ADGRL2: variants seen among roughly 807,000 people sequenced by gnomAD.
The protein encoded by ADGRL2 is calcium-independent alpha-latrotoxin receptor 2.
In ADGRL2, 44 loss-of-function variants were observed where a neutral mutation model predicts 157.4. That is an observed-to-expected ratio of 0.28 (90% CI 0.22 to 0.36). ADGRL2 has a LOEUF of 0.36. ADGRL2 is among the 10% of genes least tolerant of loss of function. The pLI is 1.00. For missense variants in ADGRL2, 1,510 were observed against 1,768.9 expected (o/e 0.85, Z 2.63); for synonymous variants, 585 against 624.7 (o/e 0.94, Z 0.95).
At position 81,823,460 on chromosome 1, in the gene ADGRL2, C is replaced by T. The variant is rs1240195990; in HGVS notation, c.-100-13425C>T. ...CTCTCCCTCCTATGTTTCTTATTGTCAAAAACATTTATTATGTGCTAGCTC... is the reference window on the plus strand; with the variant it reads ...CTCTCCCTCCTATGTTTCTTATTGTTAAAAACATTTATTATGTGCTAGCTC... On this transcript the variant is annotated intron_variant, in intron 1 of 23. Coordinates refer to ENST00000686636, the MANE Select transcript of ADGRL2 (RefSeq NM_001366006.2). Among the ~76,000 whole-genome samples, 3 of 147,696 alleles carry T rather than the reference C, an allele frequency of 2.0e-5. No individual in the cohort carries two copies. In the East Asian group the frequency reaches 6.2e-4, roughly 30 times the overall value.
At chr1:81,776,708 A>T (rs1392781581) in intron 2 of ADGRL2, among the ~76,000 whole-genome samples, 1 of 152,176 alleles carries the variant, frequency 6.6e-6, no homozygotes, top group Non-Finnish European at 1.5e-5. Context: ...TACATACACA[A>T]TACAACTTAG....
intron 3 of ADGRL2, among the ~76,000 whole-genome samples, chr1:81,655,129 G>C (rs1017161689): frequency 1.3e-5 from 2 of 152,128 alleles, no homozygotes; most frequent in Admixed American, 6.5e-5. Context: ...CTTCCAAGTG[G>C]CCAGGACTAC....
chr1:81,698,419 T>C (rs1215860729), upstream of ADGRL2, among the ~76,000 whole-genome samples: 2 of 152,220 alleles, frequency 1.3e-5, no homozygotes, highest in African/African-American at 4.8e-5. Context: ...TTTCCATATA[T>C]GTAGTTATAA....
intron 2 of ADGRL2, among the ~76,000 whole-genome samples, chr1:81,451,390 C>T (rs773662175): frequency 6.6e-6 from 1 of 152,110 alleles, no homozygotes; most frequent in Non-Finnish European, 1.5e-5. Context: ...AGTAGAAATG[C>T]TATTGTAGAA....
chr1:81,571,111 G>A (rs2080678806), intron 2 of ADGRL2, among the ~76,000 whole-genome samples: 1 of 151,944 alleles, frequency 6.6e-6, no homozygotes, highest in Non-Finnish European at 1.5e-5. Flanking sequence ...GATCACCTGA[G>A]GTCAGGAGTT....
At chr1:81,388,359 C>T (rs575913253) in intron 1 of ADGRL2, among the ~76,000 whole-genome samples, 3 of 152,230 alleles carry the variant, frequency 2.0e-5, no homozygotes, top group Admixed American at 6.5e-5. Flanking sequence ...ATTTTCAAAT[C>T]AAGTTCATAG....
At chr1:81,523,893 C>T (rs1477006129) in intron 2 of ADGRL2, among the ~76,000 whole-genome samples, 1 of 151,826 alleles carries the variant, frequency 6.6e-6, no homozygotes, top group East Asian at 1.9e-4. Context: ...GAAACCTCGT[C>T]TCTACTAAAA....
intron 3 of ADGRL2, among the ~76,000 whole-genome samples, chr1:81,929,403 A>G (rs1337412882): frequency 6.6e-6 from 1 of 152,188 alleles, no homozygotes; most frequent in Admixed American, 6.5e-5. Context: ...ATTGTAGCAT[A>G]TCTAATGATC....
chr1:81,510,806 G>C (rs1456204645), intron 2 of ADGRL2, among the ~76,000 whole-genome samples: 1 of 152,142 alleles, frequency 6.6e-6, no homozygotes, highest in East Asian at 1.9e-4. Context: ...TTATTGGGCT[G>C]TCTTTTTTCA....
intron 2 of ADGRL2, among the ~76,000 whole-genome samples, chr1:81,526,881 G>A (rs1413625155): frequency 6.6e-6 from 1 of 152,190 alleles, no homozygotes; most frequent in East Asian, 1.9e-4. Flanking sequence ...GCTAACACAA[G>A]CGCACCTCCT....
At chr1:81,933,478 C>T (rs2095264622) in intron 3 of ADGRL2, among the ~76,000 whole-genome samples, 1 of 152,280 alleles carries the variant, frequency 6.6e-6, no homozygotes, top group African/African-American at 2.4e-5. Flanking sequence ...CGACTAAACA[C>T]TTTTTCTTTC....
chr1:81,515,764 C>T (rs1352768515), intron 2 of ADGRL2, among the ~76,000 whole-genome samples: 1 of 152,150 alleles, frequency 6.6e-6, no homozygotes, highest in Non-Finnish European at 1.5e-5. Context: ...TATACATAAA[C>T]ATTCATGCAC....
At chr1:81,817,595 G>A (rs2090541124) in intron 1 of ADGRL2, among the ~76,000 whole-genome samples, 1 of 151,978 alleles carries the variant, frequency 6.6e-6, no homozygotes, top group South Asian at 2.1e-4. Flanking sequence ...TTAGCTGAAA[G>A]GCAGATGTTT....
intron 2 of ADGRL2, chr1:81,506,257 G>A (rs2078973778): frequency 6.6e-6 from 1 of 152,160 alleles, no homozygotes; most frequent in Non-Finnish European, 1.5e-5. Flanking sequence ...CTGATAAAAG[G>A]TTCATTTAAA....
At chr1:81,310,957 T>C (rs1194235358) in intron 1 of ADGRL2, among the ~76,000 whole-genome samples, 2 of 152,128 alleles carry the variant, frequency 1.3e-5, no homozygotes, top group East Asian at 3.9e-4. Context: ...TACAACCATT[T>C]GAAGAACGTG....
At chr1:81,327,262 A>C (rs149940735) in intron 1 of ADGRL2, among the ~76,000 whole-genome samples, 1 of 152,280 alleles carries the variant, frequency 6.6e-6, no homozygotes, top group Non-Finnish European at 1.5e-5. Flanking sequence ...GGGAGGAAGG[A>C]CATGTGCTAT....
At chr1:81,505,957 CACGTAAAT>C (rs2078966906) in intron 2 of ADGRL2, 1 of 225,958 alleles carries the variant, frequency 4.4e-6, no homozygotes, top group Admixed American at 5.1e-5. Flanking sequence ...AAGATCATTG[CACGTAAAT>C]CAGATCCTTT....
At chr1:81,824,036 G>A (rs34029862) in intron 1 of ADGRL2, among the ~76,000 whole-genome samples, 21,362 of 151,962 alleles carry the variant, frequency 0.14, 1,664 homozygotes, top group East Asian at 0.19. Flanking sequence ...GAATCACAAA[G>A]TGATAAGCGA....
chr1:81,626,293 T>C (rs753107408), intron 3 of ADGRL2, among the ~76,000 whole-genome samples: 2 of 152,154 alleles, frequency 1.3e-5, no homozygotes, highest in Non-Finnish European at 2.9e-5. Context: ...ACTTTTGCTT[T>C]AATGAACTCT....
Sources: gnomAD v4.1 joint callset for allele counts (sites outside exome capture counted in the v4.1 genomes callset) on GRCh38, gnomAD v4.1.1 for gene constraint, MANE v1.5 for transcripts, NCBI Gene and HGNC (gene_info 2026-07-23, HGNC 2026-07-21) for gene names.